Variants in CALN1 observed in about 807,000 individuals in gnomAD.
The protein encoded by CALN1 is calneuron 1.
Under a neutral mutation model 30.6 loss-of-function variants are expected in CALN1, and 17 were observed. The observed-to-expected ratio is 0.56, with a 90% CI of 0.38 to 0.83. CALN1 has a LOEUF of 0.83. CALN1 is among the 40% of genes least tolerant of loss of function. CALN1 has a pLI of 0.00. For missense variants in CALN1, 291 were observed against 354.9 expected (o/e 0.82, Z 1.45); for synonymous variants, 156 against 131.4 (o/e 1.19, Z -1.28).
At chr7:72,481,045 C>T in the CALN1 span, among the ~76,000 whole-genome samples, 35 of 152,010 alleles carry the variant, frequency 2.3e-4, no homozygotes, top group African/African-American at 8.0e-4. Flanking sequence ...CTCCGCTTCC[C>T]GGGTTCAAGC....
chr7:72,018,000 A>G lies in CALN1; in HGVS notation c.501+5657T>C, dbSNP rs550459539. Among the ~76,000 whole-genome samples, 628 of 152,236 alleles carry G rather than the reference A, an allele frequency of 4.1e-3. 8 individuals are homozygous for G. The highest frequency in any genetic ancestry group is 6.9e-3 in the Non-Finnish European group (470 of 67,988). On this transcript the variant is annotated intron_variant, in intron 5 of 6. Transcript: ENST00000395275. Reference sequence around the variant, plus strand: ...GCCCCCAGGACTGGCAGACCTGTTTAATCTCCCATGATCCTTTCACATATG... The same window carrying G: ...GCCCCCAGGACTGGCAGACCTGTTTGATCTCCCATGATCCTTTCACATATG...
At chr7:71,963,113 T>C (rs1288999146) in intron 5 of CALN1, among the ~76,000 whole-genome samples, 1 of 152,130 alleles carries the variant, frequency 6.6e-6, no homozygotes, top group Non-Finnish European at 1.5e-5. Flanking sequence ...TGTCACAAAA[T>C]TAGGGTCACC....
At chr7:72,006,117 C>A (rs1211576426) in intron 5 of CALN1, among the ~76,000 whole-genome samples, 3 of 152,042 alleles carry the variant, frequency 2.0e-5, no homozygotes, top group East Asian at 3.9e-4. Context: ...GAGTCTACAG[C>A]CATTTCAATA....
At chr7:71,944,752 C>T (rs768564603) in intron 5 of CALN1, among the ~76,000 whole-genome samples, 2 of 152,068 alleles carry the variant, frequency 1.3e-5, no homozygotes, top group East Asian at 3.9e-4. Context: ...CATCCGAAGT[C>T]AAGAATCTGT....
chr7:72,166,611 C>T (rs1054221467), intron 3 of CALN1, among the ~76,000 whole-genome samples: 7 of 152,208 alleles, frequency 4.6e-5, no homozygotes, highest in African/African-American at 1.7e-4. Flanking sequence ...CTCCCTCCTA[C>T]CTAACAGTCC....
intron 5 of CALN1, among the ~76,000 whole-genome samples, chr7:71,932,708 C>T (rs1339751139): frequency 2.0e-5 from 3 of 150,092 alleles, no homozygotes; most frequent in Non-Finnish European, 3.0e-5. Flanking sequence ...TCCAGCTACT[C>T]GGGAGGCTGA....
chr7:71,932,188 T>TTTTA (rs1220050722), intron 5 of CALN1, among the ~76,000 whole-genome samples: 2 of 151,992 alleles, frequency 1.3e-5, no homozygotes, highest in Non-Finnish European at 2.9e-5. Context: ...CTAATAAATG[T>TTTTA]TTTATTTATT....
chr7:72,179,191 G>A (rs1024726189), intron 3 of CALN1, among the ~76,000 whole-genome samples: 1 of 152,142 alleles, frequency 6.6e-6, no homozygotes. Flanking sequence ...GTAACAAAAC[G>A]AAGTAGATAA....
At chr7:71,955,466 A>G (rs979690545) in intron 5 of CALN1, among the ~76,000 whole-genome samples, 3 of 152,134 alleles carry the variant, frequency 2.0e-5, no homozygotes, top group Admixed American at 6.6e-5. Flanking sequence ...TTTGAGGTCA[A>G]TATGACCCCT....
At chr7:72,016,998 CA>C (rs754201004) in intron 5 of CALN1, among the ~76,000 whole-genome samples, 1,343 of 31,956 alleles carry the variant, frequency 0.042, 25 homozygotes, top group Middle Eastern at 0.11. Context: ...ACTAAAAATA[CA>C]AAAAAAAAAA....
At chr7:72,320,189 C>T (rs1386262214) in intron 2 of CALN1, among the ~76,000 whole-genome samples, 1 of 152,062 alleles carries the variant, frequency 6.6e-6, no homozygotes, top group African/African-American at 2.4e-5. Context: ...TAATACCAGG[C>T]AAGCAGGCAG....
chr7:72,476,785 AG>A, the CALN1 span, among the ~76,000 whole-genome samples: 1 of 152,226 alleles, frequency 6.6e-6, no homozygotes, highest in Non-Finnish European at 1.5e-5. Context: ...AAGGTGCTGG[AG>A]GGGGCAGAGG....
At chr7:72,171,197 G>T (rs1032629238) in intron 3 of CALN1, among the ~76,000 whole-genome samples, 1 of 152,078 alleles carries the variant, frequency 6.6e-6, no homozygotes, top group Non-Finnish European at 1.5e-5. Flanking sequence ...GTCAAAATTA[G>T]GTATTGGCTG....
chr7:71,978,269 T>A (rs1798204535), intron 5 of CALN1, among the ~76,000 whole-genome samples: 1 of 123,612 alleles, frequency 8.1e-6, no homozygotes, highest in Non-Finnish European at 1.6e-5. Context: ...ATTCTTTTTT[T>A]TTTTTTTTTT....
At chr7:71,985,584 CTTTTTTTTTTTT>C (rs962922789) in intron 5 of CALN1, among the ~76,000 whole-genome samples, 9 of 96,442 alleles carry the variant, frequency 9.3e-5, no homozygotes, top group African/African-American at 2.7e-4. Flanking sequence ...AGGTAGTTTT[CTTTTTTTTTTTT>C]TTTTTTTTTT....
chr7:72,401,882 C>T (rs1585668690), intron 2 of CALN1, among the ~76,000 whole-genome samples: 1 of 152,072 alleles, frequency 6.6e-6, no homozygotes, highest in East Asian at 1.9e-4. Flanking sequence ...TTACTCAATT[C>T]TTACCTCCTT....
chr7:71,900,985 A>C (rs1793816369), intron 5 of CALN1, among the ~76,000 whole-genome samples: 1 of 152,122 alleles, frequency 6.6e-6, no homozygotes, highest in Non-Finnish European at 1.5e-5. Context: ...ACTCACATAA[A>C]AGGAGTTTCC....
intron 3 of CALN1, among the ~76,000 whole-genome samples, chr7:72,165,448 C>T (rs114784909): frequency 0.01 from 1,538 of 152,076 alleles, 25 homozygotes; most frequent in African/African-American, 0.035. Flanking sequence ...CTAATCCCAG[C>T]ACCCCAGCTA....
chr7:72,079,825 C>T (rs1345065769), intron 4 of CALN1, among the ~76,000 whole-genome samples: 2 of 130,684 alleles, frequency 1.5e-5, no homozygotes, highest in East Asian at 2.2e-4. Context: ...GGCTGGAGTG[C>T]TGTGGCGTGA....
Sources: gnomAD v4.1 joint callset for allele counts (sites outside exome capture counted in the v4.1 genomes callset) on GRCh38, gnomAD v4.1.1 for gene constraint, MANE v1.5 for transcripts, NCBI Gene and HGNC (gene_info 2026-07-23, HGNC 2026-07-21) for gene names.